The following CPEB1 variants were observed in gnomAD, a reference collection of about 807,000 sequenced individuals.
The protein encoded by CPEB1 is cytoplasmic polyadenylation element-binding protein 1.
A neutral mutation model predicts 65.8 loss-of-function variants in CPEB1; 7 were observed. The observed-to-expected ratio is 0.11, with a 90% CI of 0.06 to 0.20. The LOEUF (loss-of-function observed/expected upper bound fraction) is 0.20, where lower values mean the gene tolerates loss of function less well. Among genes scored for constraint, CPEB1 ranks in the 10% least tolerant of loss-of-function variants. The pLI is 1.00. For synonymous variants in CPEB1, 262 were observed against 260.0 expected (o/e 1.01, Z -0.08); for missense variants, 551 against 712.2 (o/e 0.77, Z 2.58).
intron 10 of CPEB1, among the ~76,000 whole-genome samples, chr15:82,548,259 C>G (rs2035618698): frequency 6.6e-6 from 1 of 152,004 alleles, no homozygotes; most frequent in Non-Finnish European, 1.5e-5. Context: ...CACTTGAACC[C>G]AGGAGGCAGA....
intron 3 of CPEB1, among the ~76,000 whole-genome samples, chr15:82,581,486 T>C (rs929361002): frequency 4.6e-5 from 7 of 152,168 alleles, no homozygotes; most frequent in African/African-American, 1.7e-4. Flanking sequence ...TGCTGGATCA[T>C]ATGGTAACAC....
In CPEB1 at chr15:82,551,376, CAT is replaced by C. The variant is rs2036215768; in HGVS notation, c.1281+1102_1281+1103del. ...TGACTTCCCCACTATCAGGATCCCG[CAT>C]GAGAGTGGAACATTTTTTTATACTG... On this transcript the variant is annotated intron_variant, in intron 9 of 12. Coordinates refer to ENST00000684509, the MANE Select transcript of CPEB1 (RefSeq NM_001365242.1). Among the ~76,000 whole-genome samples, 4 of 152,164 alleles carry C rather than the reference CAT, an allele frequency of 2.6e-5. No individual in the cohort carries two copies. The South Asian group carries it at 8.3e-4, about 32-fold the overall frequency.
chr15:82,592,793 G>A (rs900155401), intron 3 of CPEB1, among the ~76,000 whole-genome samples: 1 of 151,950 alleles, frequency 6.6e-6, no homozygotes, highest in African/African-American at 2.4e-5. Context: ...TCAGGAGATC[G>A]AGACCATCCG....
chr15:82,591,406 G>A (rs754213698), intron 3 of CPEB1, among the ~76,000 whole-genome samples: 23 of 151,930 alleles, frequency 1.5e-4, no homozygotes, highest in Admixed American at 3.9e-4. Flanking sequence ...AAATTACTAC[G>A]GGCGCCTGCC....
chr15:82,571,820 G>A (rs1464716611), intron 3 of CPEB1: 6 of 1,226,514 alleles, frequency 4.9e-6, no homozygotes, highest in East Asian at 8.0e-5. Context: ...GACATCAGCC[G>A]GCTGAGCCGT....
chr15:82,629,656 G>T (rs1236908063), intron 1 of CPEB1: 1 of 979,214 alleles, frequency 1.0e-6, no homozygotes, highest in Non-Finnish European at 1.2e-6. Flanking sequence ...TTTTTAAGGG[G>T]AGCCTGCCTC....
At chr15:82,568,414 A>G (rs966957803) in intron 4 of CPEB1, among the ~76,000 whole-genome samples, 8 of 152,148 alleles carry the variant, frequency 5.3e-5, no homozygotes, top group African/African-American at 1.4e-4. Context: ...AAACGCACTT[A>G]TAACACTCAT....
intron 3 of CPEB1, among the ~76,000 whole-genome samples, chr15:82,583,170 C>A (rs1036051338): frequency 6.6e-6 from 1 of 152,016 alleles, no homozygotes; most frequent in Non-Finnish European, 1.5e-5. Context: ...TACTTCTTAC[C>A]CATGGAGAGC....
intron 1 of CPEB1, among the ~76,000 whole-genome samples, chr15:82,639,987 T>G (rs1457002188): frequency 6.6e-6 from 1 of 152,206 alleles, no homozygotes; most frequent in Non-Finnish European, 1.5e-5. Flanking sequence ...CATTGGAAGC[T>G]TGTACCAGAT....
chr15:82,629,693 T>C (rs2046080285), intron 1 of CPEB1: 1 of 985,220 alleles, frequency 1.0e-6, no homozygotes, highest in African/African-American at 1.7e-5. Context: ...TCAATTATCT[T>C]GCGGAAAACA....
chr15:82,601,787 A>G (rs566605223), intron 3 of CPEB1, among the ~76,000 whole-genome samples: 110 of 143,818 alleles, frequency 7.6e-4, no homozygotes, highest in African/African-American at 2.4e-3. Flanking sequence ...AATGCATTTC[A>G]TAAGTATCGA....
At chr15:82,555,482 T>C (rs1202274450) in intron 6 of CPEB1, among the ~76,000 whole-genome samples, 1 of 152,186 alleles carries the variant, frequency 6.6e-6, no homozygotes, top group Admixed American at 6.5e-5. Flanking sequence ...GTCTTTGAAT[T>C]AGAATGTGGA....
intron 3 of CPEB1, among the ~76,000 whole-genome samples, chr15:82,592,569 T>C (rs2042343457): frequency 7.0e-6 from 1 of 143,626 alleles, no homozygotes; most frequent in South Asian, 2.2e-4. Flanking sequence ...CAGAGCCAGA[T>C]ATTGTCTCAA....
chr15:82,623,765 T>C (rs1015665281), intron 3 of CPEB1, among the ~76,000 whole-genome samples: 7 of 152,224 alleles, frequency 4.6e-5, no homozygotes, highest in South Asian at 2.1e-4. Flanking sequence ...TATGCATATA[T>C]ATTTAAGGCC....
chr15:82,568,469 G>C (rs1276636511), intron 4 of CPEB1, among the ~76,000 whole-genome samples: 3 of 152,116 alleles, frequency 2.0e-5, no homozygotes, highest in African/African-American at 7.2e-5. Flanking sequence ...AGTGCCTCAG[G>C]GTAGGCACAG....
intron 3 of CPEB1, among the ~76,000 whole-genome samples, chr15:82,615,734 T>C (rs1043665754): frequency 1.3e-5 from 2 of 152,182 alleles, no homozygotes; most frequent in African/African-American, 4.8e-5. Context: ...TGAAAACTCA[T>C]GAAATCCTAG....
intron 3 of CPEB1, among the ~76,000 whole-genome samples, chr15:82,606,978 CA>C (rs1403933830): frequency 6.6e-6 from 1 of 150,902 alleles, no homozygotes; most frequent in African/African-American, 2.4e-5. Flanking sequence ...TTAAAAAAAA[CA>C]AGAAACATAT....
intron 6 of CPEB1, among the ~76,000 whole-genome samples, chr15:82,555,443 G>C (rs886613197): frequency 6.6e-6 from 1 of 152,246 alleles, no homozygotes; most frequent in Non-Finnish European, 1.5e-5. Context: ...CCTCAGGGAA[G>C]AAAGCTCCAG....
intron 3 of CPEB1, among the ~76,000 whole-genome samples, chr15:82,597,208 C>A (rs1268081381): frequency 1.3e-5 from 2 of 152,092 alleles, no homozygotes; most frequent in Non-Finnish European, 2.9e-5. Flanking sequence ...TGCTTGTAGT[C>A]CCAGCTACTT....
Sources: gnomAD v4.1 joint callset for allele counts (sites outside exome capture counted in the v4.1 genomes callset) on GRCh38, gnomAD v4.1.1 for gene constraint, MANE v1.5 for transcripts, NCBI Gene and HGNC (gene_info 2026-07-23, HGNC 2026-07-21) for gene names.